Variants in APLF observed in about 807,000 individuals in gnomAD.
The protein encoded by APLF is aprataxin and PNKP like factor, also known as aprataxin and PNK-like factor.
Under a neutral mutation model 55.6 loss-of-function variants are expected in APLF, and 61 were observed. The observed-to-expected ratio is 1.10, with a 90% CI of 0.89 to 1.36. The LOEUF (loss-of-function observed/expected upper bound fraction) is 1.36. Ranked by LOEUF, APLF falls within the 40% of genes most tolerant of loss-of-function variation. The probability of loss-of-function intolerance (pLI) is 0.00; values close to 1 mark genes in which losing one functional copy is unlikely to be tolerated. For missense variants in APLF, 611 were observed against 602.5 expected, an observed-to-expected ratio of 1.01 and a Z score of -0.15; for synonymous variants, 207 against 214.8, an observed-to-expected ratio of 0.96 and a Z score of 0.32.
intron 6 of APLF, among the ~76,000 whole-genome samples, chr2:68,533,179 C>A (rs1670303759): frequency 6.6e-6 from 1 of 152,272 alleles, no homozygotes; most frequent in East Asian, 1.9e-4. Context: ...TGTAAGAATG[C>A]AGTAAGGAGC....
intron 1 of APLF, among the ~76,000 whole-genome samples, 199 bp downstream of exon 1, chr2:68,468,026 A>G (rs1675487459): frequency 6.6e-6 from 1 of 152,182 alleles, no homozygotes; most frequent in Non-Finnish European, 1.5e-5. Context: ...TAAAACACTG[A>G]CTGTATTACC....
At chr2:68,515,815 A>G (rs1285285082) in intron 5 of APLF, 3 of 864,870 alleles carry the variant, frequency 3.5e-6, no homozygotes, top group African/African-American at 3.7e-5. Flanking sequence ...CTTTAAAGAC[A>G]GTTTAGTACT....
intron 8 of APLF, among the ~76,000 whole-genome samples, chr2:68,560,429 G>A (rs1289036718): frequency 1.4e-5 from 2 of 147,480 alleles, no homozygotes; most frequent in Non-Finnish European, 3.0e-5. Context: ...GAAATATTAG[G>A]GTCAAATTTT....
At position 68,467,687 on chromosome 2, in the gene APLF, C is replaced by A. The variant is rs569032241; in HGVS notation, c.-45C>A. 38 of 1,222,086 alleles carry A rather than the reference C, an allele frequency of 3.1e-5. 1 individual carries two copies. The South Asian group carries it at 1.2e-3, about 40-fold the overall frequency. 75.7% of individuals were successfully genotyped at this position (1,222,086 alleles called of 1,614,324 possible). Reference sequence around the variant, plus strand: ...GCGTGTCTGTGGAGGGCGGAAACAGCGGAGGGGCCAGTCTCCTGGCGAAGG... The same window carrying A: ...GCGTGTCTGTGGAGGGCGGAAACAGAGGAGGGGCCAGTCTCCTGGCGAAGG... On this transcript the variant is annotated 5_prime_UTR_variant, in exon 1 of 10. Transcript: ENST00000303795.
chr2:68,580,156 T>C lies in APLF; in HGVS notation c.*2134T>C, dbSNP rs776055156. Reference sequence around the variant, plus strand: ...CTATTGTATAAATAAATGTATAGCTTAATTGACTGAAGTGTAATGAAAATG... The same window carrying C: ...CTATTGTATAAATAAATGTATAGCTCAATTGACTGAAGTGTAATGAAAATG... On this transcript the variant is annotated 3_prime_UTR_variant, in exon 10 of 10. Transcript: ENST00000303795. 64 of 911,404 alleles carry C rather than the reference T, an allele frequency of 7.0e-5. No homozygotes were observed. Among genetic ancestry groups the C allele is most frequent in the South Asian group, 1.5e-4 (3 of 19,730 alleles). The allele number at this position is 911,404 out of a possible 1,614,324, so 56.5% of individuals were successfully genotyped here. A position where few individuals can be genotyped will look rare whatever the true frequency, so the allele number is the denominator to read the frequency against.
intron 9 of APLF, chr2:68,568,218 A>G (rs1450788219): frequency 1.0e-6 from 1 of 960,548 alleles, no homozygotes; most frequent in African/African-American, 1.8e-5. Context: ...GCTTTTTCAT[A>G]TCATTCATAT....
intron 9 of APLF, among the ~76,000 whole-genome samples, chr2:68,574,490 T>C (rs1404901011): frequency 6.6e-6 from 1 of 152,172 alleles, no homozygotes; most frequent in Non-Finnish European, 1.5e-5. Flanking sequence ...TGTCATGACT[T>C]GGCTCTTCAA....
chr2:68,569,073 A>T (rs2104072056), intron 9 of APLF, among the ~76,000 whole-genome samples: 1 of 152,200 alleles, frequency 6.6e-6, no homozygotes, highest in East Asian at 1.9e-4. Context: ...TTGTATCCCA[A>T]ATCATTAAAA....
intron 2 of APLF, 62 bp downstream of exon 2, chr2:68,490,323 G>A (rs930228434): frequency 4.3e-6 from 6 of 1,405,358 alleles, no homozygotes; most frequent in South Asian, 2.5e-5. Context: ...TTCCCAAGCA[G>A]AGGTGCCTAT....
intron 2 of APLF, among the ~76,000 whole-genome samples, chr2:68,492,426 C>T (rs1336088902): frequency 6.6e-5 from 10 of 151,882 alleles, no homozygotes; most frequent in Admixed American, 6.6e-4. Flanking sequence ...TGCAGTGAGC[C>T]GAGATTGTGC....
At chr2:68,525,529 T>G (rs773867839) in intron 5 of APLF, among the ~76,000 whole-genome samples, 2 of 152,042 alleles carry the variant, frequency 1.3e-5, no homozygotes, top group Admixed American at 6.6e-5. Flanking sequence ...ATTATCCAGA[T>G]GATGAAACCA....
chr2:68,575,149 C>G (rs1671588078), intron 9 of APLF, among the ~76,000 whole-genome samples: 1 of 148,634 alleles, frequency 6.7e-6, no homozygotes, highest in African/African-American at 2.6e-5. Context: ...ATGGGGAATG[C>G]CATGTCAGGA....
intron 5 of APLF, among the ~76,000 whole-genome samples, chr2:68,520,498 G>A (rs1020589148): frequency 6.6e-6 from 1 of 151,932 alleles, no homozygotes; most frequent in African/African-American, 2.4e-5. Context: ...TGTATAAGGT[G>A]AGAGATGAGG....
At chr2:68,470,137 T>C (rs1558523724) in intron 1 of APLF, among the ~76,000 whole-genome samples, 2 of 152,226 alleles carry the variant, frequency 1.3e-5, no homozygotes, top group South Asian at 2.1e-4. Context: ...TGCTCCATGA[T>C]TGGCATCAGT....
chr2:68,490,561 T>C (rs138520221), intron 2 of APLF, among the ~76,000 whole-genome samples: 30 of 152,324 alleles, frequency 2.0e-4, no homozygotes, highest in African/African-American at 7.2e-4. Context: ...AGCCCATAAC[T>C]ATTAATGGTT....
In APLF at chr2:68,580,107, T is replaced by A. The variant is rs1487623621; in HGVS notation, c.*2085T>A. On this transcript the variant is annotated 3_prime_UTR_variant, in exon 10 of 10. Coordinates refer to ENST00000303795, the MANE Select transcript of APLF (RefSeq NM_173545.3). ...AGTTTTAATGCAACTTTCATAATCATCCTGAAGACACTTTTGAGTATAACT... is the reference window on the plus strand; with the variant it reads ...AGTTTTAATGCAACTTTCATAATCAACCTGAAGACACTTTTGAGTATAACT... The A allele has an allele frequency of 6.4e-6, 6 of 942,062 alleles. No individual in the cohort carries two copies. The highest frequency in any genetic ancestry group is 7.6e-6 in the Non-Finnish European group (6 of 790,418). The allele number at this position is 942,062 out of a possible 1,614,324, so 58.4% of individuals were successfully genotyped here.
chr2:68,550,188 T>G (rs1670816989), intron 8 of APLF, among the ~76,000 whole-genome samples: 2 of 152,176 alleles, frequency 1.3e-5, no homozygotes, highest in Admixed American at 1.3e-4. Flanking sequence ...GTTTTTATTT[T>G]TAATCCAGTC....
At chr2:68,503,487 A>G (rs1161151310) in intron 3 of APLF, among the ~76,000 whole-genome samples, 1 of 152,162 alleles carries the variant, frequency 6.6e-6, no homozygotes, top group Non-Finnish European at 1.5e-5. Flanking sequence ...TTATAGAAGT[A>G]GATGGACAGA....
At chr2:68,511,255 A>AT (rs1677041930) in intron 3 of APLF, among the ~76,000 whole-genome samples, 1 of 151,768 alleles carries the variant, frequency 6.6e-6, no homozygotes, top group Non-Finnish European at 1.5e-5. Flanking sequence ...CCAAGTTTTA[A>AT]TTTTTTATTT....
Sources: allele counts gnomAD v4.1 joint callset (sites outside exome capture counted in the v4.1 genomes callset), GRCh38; gene constraint gnomAD v4.1.1; transcripts MANE v1.5; gene names NCBI Gene and HGNC (gene_info 2026-07-23, HGNC 2026-07-21).